The following ANO10 variants were observed in gnomAD, a reference collection of about 807,000 sequenced individuals.
ANO10 encodes the protein anoctamin-10.
A neutral mutation model predicts 74.7 loss-of-function variants in ANO10; 77 were observed. The ratio of observed to expected loss-of-function variants is 1.03; its 90% CI spans 0.86 to 1.25. The LOEUF (loss-of-function observed/expected upper bound fraction) is 1.25, where lower values mean the gene tolerates loss of function less well. ANO10 is among the 50% of genes most tolerant of loss of function. ANO10 has a pLI of 0.00. For missense variants in ANO10, 721 were observed against 778.1 expected, an observed-to-expected ratio of 0.93 and a Z score of 0.87; for synonymous variants, 279 against 284.9, an observed-to-expected ratio of 0.98 and a Z score of 0.21.
At chr3:43,379,152 C>A (rs1382398542) in intron 12 of ANO10, among the ~76,000 whole-genome samples, 1 of 152,176 alleles carries the variant, frequency 6.6e-6, no homozygotes, top group Non-Finnish European at 1.5e-5. Flanking sequence ...TCAAGTGACA[C>A]AATGCTGTCC....
chr3:43,388,922 A>G (rs1485452223), intron 12 of ANO10, among the ~76,000 whole-genome samples: 1 of 152,252 alleles, frequency 6.6e-6, no homozygotes, highest in Admixed American at 6.5e-5. Context: ...TTGCAGCTGT[A>G]CTATATACTG....
chr3:43,489,259 A>G (rs1179145996), intron 11 of ANO10, among the ~76,000 whole-genome samples: 1 of 151,812 alleles, frequency 6.6e-6, no homozygotes, highest in Non-Finnish European at 1.5e-5. Flanking sequence ...AGCATGGCAC[A>G]TGTATACATA....
intron 1 of ANO10, chr3:43,691,223 G>T: frequency 2.0e-6 from 1 of 504,988 alleles, no homozygotes; most frequent in East Asian, 3.6e-5. Flanking sequence ...GCTCTGCCTG[G>T]GAGAGGCTCC....
At chr3:43,384,126 C>T (rs1342937339) in intron 12 of ANO10, among the ~76,000 whole-genome samples, 7 of 151,724 alleles carry the variant, frequency 4.6e-5, no homozygotes, top group African/African-American at 1.2e-4. Flanking sequence ...ATACCAACAG[C>T]GACCAAGCTG....
intron 12 of ANO10, among the ~76,000 whole-genome samples, chr3:43,370,140 C>G (rs1195209516): frequency 6.6e-6 from 1 of 152,178 alleles, no homozygotes; most frequent in African/African-American, 2.4e-5. Flanking sequence ...ACAGCCCTGG[C>G]CCAAGAGCAC....
At chr3:43,503,309 A>G (rs761684768) in intron 11 of ANO10, among the ~76,000 whole-genome samples, 3 of 152,190 alleles carry the variant, frequency 2.0e-5, no homozygotes, top group Non-Finnish European at 2.9e-5. Context: ...CAGATACTGA[A>G]AGGAAGATTC....
chr3:43,455,975 C>T (rs148789033), intron 11 of ANO10, among the ~76,000 whole-genome samples: 1 of 152,070 alleles, frequency 6.6e-6, no homozygotes, highest in African/African-American at 2.4e-5. Flanking sequence ...CTCTAATTTA[C>T]GATGGGATAA....
intron 12 of ANO10, among the ~76,000 whole-genome samples, chr3:43,431,465 A>G (rs1460840711): frequency 6.6e-6 from 1 of 151,844 alleles, no homozygotes; most frequent in Admixed American, 6.6e-5. Context: ...GTACCTCTAG[A>G]AGAATGCTAG....
chr3:43,568,371 A>T (rs574596550), intron 7 of ANO10, among the ~76,000 whole-genome samples: 1 of 152,340 alleles, frequency 6.6e-6, no homozygotes, highest in East Asian at 1.9e-4. Context: ...CCCCATATCA[A>T]CAGAATATAC....
At position 43,572,213 on chromosome 3, in the gene ANO10, T is replaced by C. The variant is rs534129788; in HGVS notation, c.1218+2596A>G. On this transcript the variant is annotated intron_variant, in intron 7 of 12. Coordinates refer to ENST00000292246, the MANE Select transcript of ANO10 (RefSeq NM_018075.5). ...TCAGTGCCAGGGGAGCCCTGCTAAA[T>C]TGGCAAGGGGAAATCAATCAGGACC... Among the ~76,000 whole-genome samples, 112 of 152,256 alleles carry C rather than the reference T, an allele frequency of 7.4e-4. 1 individual carries two copies. The highest frequency in any genetic ancestry group is 2.4e-3 in the African/African-American group (99 of 41,552).
intron 1 of ANO10, among the ~76,000 whole-genome samples, chr3:43,677,086 C>T (rs1325121539): frequency 1.3e-5 from 2 of 152,098 alleles, no homozygotes; most frequent in Non-Finnish European, 2.9e-5. Context: ...CGGAATGAAC[C>T]CAGCTGCCCA....
At chr3:43,573,149 T>A (rs915330874) in intron 7 of ANO10, among the ~76,000 whole-genome samples, 1 of 152,190 alleles carries the variant, frequency 6.6e-6, no homozygotes, top group Non-Finnish European at 1.5e-5. Context: ...CGAATGAACT[T>A]TTTAATGTAT....
intron 11 of ANO10, among the ~76,000 whole-genome samples, chr3:43,462,358 T>C (rs1022738828): frequency 6.6e-6 from 1 of 152,110 alleles, no homozygotes; most frequent in Non-Finnish European, 1.5e-5. Context: ...GCCTCCCAAG[T>C]TGCTGGGATT....
chr3:43,489,465 C>G (rs550576099), intron 11 of ANO10, among the ~76,000 whole-genome samples: 1 of 152,022 alleles, frequency 6.6e-6, no homozygotes, highest in Non-Finnish European at 1.5e-5. Flanking sequence ...CCCATGTACA[C>G]GTTAAATAAA....
intron 12 of ANO10, among the ~76,000 whole-genome samples, chr3:43,389,631 A>G (rs1399402461): frequency 6.6e-6 from 1 of 152,250 alleles, no homozygotes; most frequent in Non-Finnish European, 1.5e-5. Context: ...AGCATTCCAG[A>G]TAAGTATGTA....
At chr3:43,497,073 G>GA (rs1406441432) in intron 11 of ANO10, among the ~76,000 whole-genome samples, 2 of 152,168 alleles carry the variant, frequency 1.3e-5, no homozygotes, top group African/African-American at 4.8e-5. Context: ...TGGTAGATGG[G>GA]ATGAAGAGTA....
rs79437916 is a variant in ANO10 at position 43,499,739 on chromosome 3, A to G, written c.1797+49981T>C. On this transcript the variant is annotated intron_variant, in intron 11 of 12. Transcript: ENST00000292246. ...AATTCTAATTTGAAGGGCTCTTTTT[A>G]AAACTTCTTTAGATAGATTTTTTTT... Among the ~76,000 whole-genome samples, 117 of 152,236 alleles carry G rather than the reference A, an allele frequency of 7.7e-4. 1 individual carries two copies. In the East Asian group the frequency reaches 0.022, roughly 29 times the overall value.
At chr3:43,564,077 CT>C (rs1446962757) in intron 8 of ANO10, among the ~76,000 whole-genome samples, 3 of 151,880 alleles carry the variant, frequency 2.0e-5, no homozygotes, top group Non-Finnish European at 4.4e-5. Context: ...CACGGTCTCA[CT>C]TTGCAGTGCA....
chr3:43,617,474 T>A (rs59423218), intron 1 of ANO10, among the ~76,000 whole-genome samples: 3,584 of 152,142 alleles, frequency 0.024, 145 homozygotes, highest in African/African-American at 0.081. Flanking sequence ...TTATCATGTG[T>A]CGAATTGCAC....
Sources: allele counts gnomAD v4.1 joint callset (sites outside exome capture counted in the v4.1 genomes callset), GRCh38; gene constraint gnomAD v4.1.1; transcripts MANE v1.5; gene names NCBI Gene and HGNC (gene_info 2026-07-23, HGNC 2026-07-21).